Variants in GALNTL6 observed in about 807,000 individuals in gnomAD.
GALNTL6 encodes the protein polypeptide N-acetylgalactosaminyltransferase like 6, also known as polypeptide N-acetylgalactosaminyltransferase-like 6.
A neutral mutation model predicts 73.7 loss-of-function variants in GALNTL6; 46 were observed. That is an observed-to-expected ratio of 0.62 (90% confidence interval 0.49 to 0.80). The LOEUF (loss-of-function observed/expected upper bound fraction) is 0.80. Ranked by LOEUF, GALNTL6 falls within the 30% of genes least tolerant of loss-of-function variation. The probability of loss-of-function intolerance (pLI) is 0.00; values close to 1 mark genes in which losing one functional copy is unlikely to be tolerated. For missense variants in GALNTL6, 604 were observed against 755.0 expected (o/e 0.80, Z 2.34); for synonymous variants, 259 against 263.7 (o/e 0.98, Z 0.17).
chr4:172,657,992 T>C (rs1389918286), intron 5 of GALNTL6, among the ~76,000 whole-genome samples: 4 of 143,802 alleles, frequency 2.8e-5, no homozygotes, highest in African/African-American at 1.0e-4. Flanking sequence ...CTACTAAAAA[T>C]ACAAAAAATT....
At chr4:172,894,953 A>G (rs1371189830) in intron 8 of GALNTL6, among the ~76,000 whole-genome samples, 1 of 126,720 alleles carries the variant, frequency 7.9e-6, no homozygotes, top group Non-Finnish European at 1.8e-5. Flanking sequence ...TTTTTTTTAC[A>G]GTTTTTTTTT....
rs142349628 is a variant in GALNTL6, at chr4:171,961,291, G to A, written c.138+146573G>A. 8.5e-3 allele frequency among the ~76,000 whole-genome samples: 1,288 copies of A among 152,212 alleles called. 18 individuals carry two copies. The highest frequency in any genetic ancestry group is 0.029 in the African/African-American group (1,207 of 41,510). On this transcript the variant is annotated intron_variant, in intron 2 of 12. Coordinates refer to ENST00000506823, the MANE Select transcript of GALNTL6 (RefSeq NM_001034845.3). Reference sequence around the variant, plus strand: ...TACCTTGTCTAACAGTCCCTGTACAGGGTTCCTGACCTGTGGAAAGTAAAG... The same window carrying A: ...TACCTTGTCTAACAGTCCCTGTACAAGGTTCCTGACCTGTGGAAAGTAAAG...
intron 5 of GALNTL6, among the ~76,000 whole-genome samples, chr4:172,540,373 C>A (rs541495888): frequency 3.9e-5 from 6 of 152,072 alleles, no homozygotes; most frequent in African/African-American, 1.4e-4. Flanking sequence ...CAGCTGAGCA[C>A]CTGTGCATGA....
chr4:172,544,618 T>G (rs1735684568), intron 5 of GALNTL6, among the ~76,000 whole-genome samples: 1 of 152,188 alleles, frequency 6.6e-6, no homozygotes, highest in Non-Finnish European at 1.5e-5. Context: ...GAAGAGGGCT[T>G]AAGGAAAATA....
intron 2 of GALNTL6, among the ~76,000 whole-genome samples, chr4:172,105,311 A>G (rs1328481369): frequency 6.6e-6 from 1 of 152,068 alleles, no homozygotes; most frequent in Non-Finnish European, 1.5e-5. Context: ...AAAGATATAA[A>G]GACACGGAAG....
chr4:171,982,051 C>T (rs1461191751), intron 2 of GALNTL6, among the ~76,000 whole-genome samples: 1 of 152,076 alleles, frequency 6.6e-6, no homozygotes, highest in Non-Finnish European at 1.5e-5. Flanking sequence ...AAAACTACTA[C>T]TAATTTCTCA....
intron 11 of GALNTL6, among the ~76,000 whole-genome samples, chr4:173,014,019 T>C (rs1454989892): frequency 6.6e-6 from 1 of 151,356 alleles, no homozygotes; most frequent in African/African-American, 2.4e-5. Context: ...AGGAGACTTA[T>C]TAGAGTTGAA....
chr4:172,229,510 A>G, intron 2 of GALNTL6, 146 bp from the exon 3 acceptor site: 2 of 598,552 alleles, frequency 3.3e-6, no homozygotes, highest in Non-Finnish European at 5.9e-6. Context: ...TCTGGTCACC[A>G]GCGATAGCTT....
At chr4:172,213,592 G>A (rs188131966) in intron 2 of GALNTL6, among the ~76,000 whole-genome samples, 8 of 152,022 alleles carry the variant, frequency 5.3e-5, no homozygotes, top group Middle Eastern at 3.4e-3. Context: ...CAGTTGATTA[G>A]CCTGTTTATA....
intron 2 of GALNTL6, among the ~76,000 whole-genome samples, chr4:171,970,539 T>A (rs1739536832): frequency 6.6e-6 from 1 of 152,224 alleles, no homozygotes; most frequent in Admixed American, 6.6e-5. Context: ...ATAAAAATCT[T>A]ATCTTAAAAA....
intron 5 of GALNTL6, among the ~76,000 whole-genome samples, chr4:172,600,065 T>C (rs1397715990): frequency 6.6e-6 from 1 of 152,128 alleles, no homozygotes; most frequent in African/African-American, 2.4e-5. Context: ...TCCAGTGTCA[T>C]AGTAGAGGTT....
intron 2 of GALNTL6, among the ~76,000 whole-genome samples, chr4:171,850,816 G>C (rs528513624): frequency 2.8e-4 from 43 of 152,160 alleles, no homozygotes; most frequent in African/African-American, 9.6e-4. Context: ...TGGCCAAGAG[G>C]GGGTCTGTTC....
intron 5 of GALNTL6, among the ~76,000 whole-genome samples, chr4:172,639,148 G>C (rs151023303): frequency 1.3e-5 from 2 of 152,036 alleles, no homozygotes; most frequent in Non-Finnish European, 2.9e-5. Context: ...GGTAGGGAGG[G>C]AGACTATAAA....
intron 5 of GALNTL6, among the ~76,000 whole-genome samples, chr4:172,479,788 ATCT>A (rs1733376548): frequency 2.0e-5 from 3 of 148,846 alleles, no homozygotes; most frequent in South Asian, 4.2e-4. Context: ...AAAAATCTGA[ATCT>A]TATTAGAGAG....
chr4:172,491,235 T>A (rs931530365), intron 5 of GALNTL6, among the ~76,000 whole-genome samples: 4 of 152,126 alleles, frequency 2.6e-5, no homozygotes, highest in African/African-American at 9.7e-5. Flanking sequence ...ATTAAATAAT[T>A]AAGAGCTTGG....
intron 2 of GALNTL6, among the ~76,000 whole-genome samples, chr4:172,087,936 C>G (rs1732097407): frequency 6.6e-6 from 1 of 152,012 alleles, no homozygotes; most frequent in South Asian, 2.1e-4. Flanking sequence ...GGTGTTCAAT[C>G]AAATACTTTC....
chr4:172,896,274 T>G (rs774048387), intron 8 of GALNTL6, among the ~76,000 whole-genome samples: 22 of 152,336 alleles, frequency 1.4e-4, no homozygotes, highest in East Asian at 7.7e-4. Flanking sequence ...TTCCAAGGGC[T>G]TTTCAGAGAT....
chr4:172,599,793 C>T (rs1036161910), intron 5 of GALNTL6, among the ~76,000 whole-genome samples: 2 of 152,002 alleles, frequency 1.3e-5, no homozygotes, highest in Admixed American at 1.3e-4. Context: ...GGAAAACCTT[C>T]AATGACTTTT....
chr4:171,956,555 C>T (rs1739055860), intron 2 of GALNTL6, among the ~76,000 whole-genome samples: 1 of 152,086 alleles, frequency 6.6e-6, no homozygotes, highest in South Asian at 2.1e-4. Context: ...TTTAAATTTT[C>T]ATTTTTGATC....
Sources: gnomAD v4.1 joint callset for allele counts (sites outside exome capture counted in the v4.1 genomes callset) on GRCh38, gnomAD v4.1.1 for gene constraint, MANE v1.5 for transcripts, NCBI Gene and HGNC (gene_info 2026-07-23, HGNC 2026-07-21) for gene names.